The following CNTNAP2 variants were observed in gnomAD, a reference collection of about 807,000 sequenced individuals.
CNTNAP2 encodes the protein contactin-associated protein-like 2.
Under a neutral mutation model 155.2 loss-of-function variants are expected in CNTNAP2, and 98 were observed. The ratio of observed to expected loss-of-function variants is 0.63; its 90% confidence interval spans 0.54 to 0.75. CNTNAP2 has a LOEUF of 0.75. Ranked by LOEUF, CNTNAP2 falls within the 30% of genes least tolerant of loss-of-function variation. The pLI, the probability that CNTNAP2 is intolerant of heterozygous loss-of-function variation, is 0.00. For missense variants in CNTNAP2, 1,727 were observed against 1,688.1 expected (o/e 1.02, Z -0.40); for synonymous variants, 651 against 631.2 (o/e 1.03, Z -0.47).
chr7:146,148,995 C>T (rs1051018878), intron 1 of CNTNAP2, among the ~76,000 whole-genome samples: 1 of 143,888 alleles, frequency 6.9e-6, no homozygotes, highest in Non-Finnish European at 1.5e-5. Flanking sequence ...AACACTTGGA[C>T]ACAGGAAGGG....
chr7:146,461,966 A>G (rs1319910869), intron 1 of CNTNAP2, among the ~76,000 whole-genome samples: 4 of 152,330 alleles, frequency 2.6e-5, no homozygotes, highest in South Asian at 2.1e-4. Context: ...CTCATGCTCC[A>G]TGGTTATTTT....
chr7:146,971,793 T>C (rs1797805031), intron 3 of CNTNAP2, among the ~76,000 whole-genome samples: 2 of 152,246 alleles, frequency 1.3e-5, no homozygotes, highest in South Asian at 2.1e-4. Flanking sequence ...AGACCCCACC[T>C]GCTAATACCC....
intron 11 of CNTNAP2, among the ~76,000 whole-genome samples, chr7:147,547,889 A>G (rs1377184655): frequency 6.6e-6 from 1 of 152,062 alleles, no homozygotes; most frequent in African/African-American, 2.4e-5. Context: ...TTAGTTTGCT[A>G]AGGATGATGG....
intron 18 of CNTNAP2, among the ~76,000 whole-genome samples, chr7:148,188,265 G>T (rs963196451): frequency 6.6e-6 from 1 of 152,178 alleles, no homozygotes; most frequent in Non-Finnish European, 1.5e-5. Flanking sequence ...TGAATCAGTA[G>T]GAGTGGGTCT....
chr7:146,810,891 A>T (rs1452196811), intron 2 of CNTNAP2, among the ~76,000 whole-genome samples: 1 of 152,136 alleles, frequency 6.6e-6, no homozygotes, highest in Non-Finnish European at 1.5e-5. Context: ...TATTGAGATG[A>T]TCATATGATT....
chr7:146,971,818 C>G (rs1485956353), intron 3 of CNTNAP2, among the ~76,000 whole-genome samples: 1 of 152,070 alleles, frequency 6.6e-6, no homozygotes, highest in East Asian at 1.9e-4. Flanking sequence ...CTGCTAATAC[C>G]CATCATGGAG....
At chr7:148,030,360 TTGTCAATGTACTTAA>T (rs2116460862) in intron 15 of CNTNAP2, among the ~76,000 whole-genome samples, 1 of 152,322 alleles carries the variant, frequency 6.6e-6, no homozygotes, top group Non-Finnish European at 1.5e-5. Context: ...GAAAGGGGAA[TTGTCAATGTACTTAA>T]TATGCCATTA....
intron 1 of CNTNAP2, among the ~76,000 whole-genome samples, chr7:146,620,048 T>C (rs1273964368): frequency 2.0e-5 from 3 of 152,146 alleles, no homozygotes; most frequent in African/African-American, 4.8e-5. Flanking sequence ...GTTGAAAATA[T>C]ATATTTAGAA....
At chr7:147,319,299 T>A (rs1031556826) in intron 9 of CNTNAP2, among the ~76,000 whole-genome samples, 1 of 152,208 alleles carries the variant, frequency 6.6e-6, no homozygotes, top group Non-Finnish European at 1.5e-5. Context: ...TAATCTCTTG[T>A]GTTATGTCAA....
intron 1 of CNTNAP2, among the ~76,000 whole-genome samples, chr7:146,244,739 G>C (rs1359639969): frequency 6.6e-6 from 1 of 152,114 alleles, no homozygotes; most frequent in Non-Finnish European, 1.5e-5. Context: ...GAGGTGGGAA[G>C]GCTAAACTGA....
intron 2 of CNTNAP2, among the ~76,000 whole-genome samples, chr7:146,804,232 C>T (rs534429049): frequency 4.7e-4 from 71 of 152,142 alleles, no homozygotes; most frequent in African/African-American, 1.7e-3. Context: ...TTTTAGCCAC[C>T]GAAAGCAAAA....
At position 147,921,285 on chromosome 7, in the gene CNTNAP2, T is replaced by A. The variant is rs573394050; in HGVS notation, c.2255+17564T>A. ...GCCTGCTGTCCACACCGTACTTAAT[T>A]TGGCCTCAATCTGTATCTTTGGTGT... is the stretch of plus-strand genomic sequence containing the variant. On this transcript the variant is annotated intron_variant, in intron 14 of 23. Transcript: ENST00000361727. Among the ~76,000 whole-genome samples the A allele has an allele frequency of 1.8e-3, 277 of 152,326 alleles. 11 individuals carry two copies. In the South Asian group the frequency reaches 0.054, roughly 30 times the overall value.
At chr7:147,265,872 T>C (rs539727345) in intron 8 of CNTNAP2, among the ~76,000 whole-genome samples, 1 of 152,188 alleles carries the variant, frequency 6.6e-6, no homozygotes, top group Admixed American at 6.5e-5. Flanking sequence ...GTGAATAGTC[T>C]GAAGTGAACC....
intron 10 of CNTNAP2, among the ~76,000 whole-genome samples, chr7:147,439,010 A>T (rs78022160): frequency 0.069 from 10,432 of 151,962 alleles, 631 homozygotes; most frequent in East Asian, 0.32. Flanking sequence ...AAGTTTGCCA[A>T]TTTTGTTTAA....
At chr7:148,379,862 C>T (rs1041075854) in intron 21 of CNTNAP2, among the ~76,000 whole-genome samples, 3 of 152,202 alleles carry the variant, frequency 2.0e-5, no homozygotes, top group African/African-American at 7.2e-5. Flanking sequence ...CTCAGGTGCC[C>T]TTTTCTCTTT....
At chr7:146,216,245 A>G (rs984208015) in intron 1 of CNTNAP2, among the ~76,000 whole-genome samples, 3 of 152,188 alleles carry the variant, frequency 2.0e-5, no homozygotes, top group Non-Finnish European at 2.9e-5. Context: ...TTCTCTTGGA[A>G]GTTAGGCAGT....
intron 1 of CNTNAP2, among the ~76,000 whole-genome samples, chr7:146,176,539 A>T (rs1200379075): frequency 6.6e-6 from 1 of 152,208 alleles, no homozygotes; most frequent in Non-Finnish European, 1.5e-5. Flanking sequence ...AAACAGGATA[A>T]AAATCAGAAT....
chr7:147,925,185 A>T (rs1467388215), intron 14 of CNTNAP2, among the ~76,000 whole-genome samples: 3 of 149,862 alleles, frequency 2.0e-5, no homozygotes, highest in African/African-American at 7.4e-5. Context: ...GAAGGAAGGA[A>T]GGAAGGAAGG....
At chr7:147,234,165 A>C (rs1584809001) in intron 8 of CNTNAP2, among the ~76,000 whole-genome samples, 1 of 151,998 alleles carries the variant, frequency 6.6e-6, no homozygotes, top group African/African-American at 2.4e-5. Flanking sequence ...TAAGTGGGCA[A>C]GTTTCCATCC....
Sources: allele counts gnomAD v4.1 joint callset (sites outside exome capture counted in the v4.1 genomes callset), GRCh38; gene constraint gnomAD v4.1.1; transcripts MANE v1.5; gene names NCBI Gene and HGNC (gene_info 2026-07-23, HGNC 2026-07-21).